The following SDCCAG8 variants were observed in gnomAD, a reference collection of about 807,000 sequenced individuals.
The protein encoded by SDCCAG8 is serologically defined colon cancer antigen 8.
A neutral mutation model predicts 101.8 loss-of-function variants in SDCCAG8; 74 were observed. That is an observed-to-expected ratio of 0.73 (90% CI 0.60 to 0.88). The LOEUF is 0.88. Among genes scored for constraint, SDCCAG8 ranks in the 40% least tolerant of loss-of-function variants. The pLI, the probability that SDCCAG8 is intolerant of heterozygous loss-of-function variation, is 0.00. For missense variants in SDCCAG8, 787 were observed against 822.6 expected (o/e 0.96, Z 0.53); for synonymous variants, 281 against 292.9 (o/e 0.96, Z 0.41).
intron 6 of SDCCAG8, chr1:243,293,493 C>T (rs925883617): frequency 1.7e-5 from 10 of 574,168 alleles, no homozygotes; most frequent in East Asian, 1.2e-4. Flanking sequence ...CTTCAACTTT[C>T]GGTCTGTATA....
intron 16 of SDCCAG8, among the ~76,000 whole-genome samples, chr1:243,479,466 G>T (rs1436224558): frequency 6.6e-6 from 1 of 152,210 alleles, no homozygotes; most frequent in Non-Finnish European, 1.5e-5. Context: ...GCATGGCTGG[G>T]TTTCAATGAA....
chr1:243,341,083 G>A lies in SDCCAG8; in HGVS notation c.1266G>A (p.Val422=). ...ATATTGCCCAACTGGAGGCCCAGGT[G>A]GAAAAGGTTACAAAGGAAAAGATTT... The part of the protein sequence containing the change: ...SQNIAQLEAQ[V]EKVTKEKISA... The change falls in exon 11 of 18, where the codon GTG becomes GTA. Residue 422 remains valine (V), a synonymous_variant. Transcript: ENST00000366541. 1.2e-6 allele frequency: 2 copies of A among 1,613,868 alleles called. No individual in the cohort carries two copies. Among genetic ancestry groups the A allele is most frequent in the Non-Finnish European group, 1.7e-6 (2 of 1,179,776 alleles).
rs760731605 is a variant in SDCCAG8, at chr1:243,488,997, G to A, written c.1986-17G>A. On this transcript the variant is annotated splice_polypyrimidine_tract_variant and intron_variant, in intron 16 of 17. Transcript: ENST00000366541. ...TGACGTTATCCCTCTTTAATTCTGC[G>A]GTGGATTTTTCTCCAGGCTAAGGCA... The A allele has an allele frequency of 1.9e-6, 3 of 1,613,228 alleles. No homozygotes were observed. The highest frequency in any genetic ancestry group is 2.5e-6 in the Non-Finnish European group (3 of 1,180,026).
intron 12 of SDCCAG8, among the ~76,000 whole-genome samples, chr1:243,354,446 G>GAC (rs2076273728): frequency 1.3e-5 from 2 of 152,268 alleles, no homozygotes; most frequent in Admixed American, 6.5e-5. Context: ...GCCTTGTAAA[G>GAC]AGTTAAGTTT....
Position 243,256,092 on chromosome 1 carries a change from G to T in SDCCAG8, c.-82G>T. 7.3e-7 allele frequency: 1 copy of T among 1,371,918 alleles called. No individual in the cohort carries two copies. The allele number at this position is 1,371,918 out of a possible 1,614,324, so 85.0% of individuals were successfully genotyped here. ...GGCAGGAAGCAGGCGGGCGCTCCCC[G>T]GCCACAGGCCTGTTGTTCTCGGAAG... On this transcript the variant is annotated 5_prime_UTR_variant, in exon 1 of 18. Coordinates refer to ENST00000366541, the MANE Select transcript of SDCCAG8 (RefSeq NM_006642.5).
At chr1:243,391,676 G>C (rs1395215503) in intron 13 of SDCCAG8, among the ~76,000 whole-genome samples, 1 of 152,204 alleles carries the variant, frequency 6.6e-6, no homozygotes, top group Non-Finnish European at 1.5e-5. Flanking sequence ...GCATCCCTTT[G>C]ACACCTTTCC....
intron 16 of SDCCAG8, among the ~76,000 whole-genome samples, chr1:243,486,896 T>C (rs1468605532): frequency 6.6e-6 from 1 of 151,248 alleles, no homozygotes; most frequent in Non-Finnish European, 1.5e-5. Context: ...CACGTTTCTG[T>C]TCCATTCTTT....
At chr1:243,480,860 G>GTGGGA (rs1663590904) in intron 16 of SDCCAG8, among the ~76,000 whole-genome samples, 1 of 97,402 alleles carries the variant, frequency 1.0e-5, no homozygotes, top group Non-Finnish European at 2.1e-5. Flanking sequence ...GGATGGATGG[G>GTGGGA]TGGATGGATG....
At chr1:243,465,642 G>A (rs1659983649) in intron 16 of SDCCAG8, among the ~76,000 whole-genome samples, 1 of 152,220 alleles carries the variant, frequency 6.6e-6, no homozygotes, top group African/African-American at 2.4e-5. Context: ...AGATAATTTA[G>A]GTGTCACAGA....
intron 1 of SDCCAG8, among the ~76,000 whole-genome samples, chr1:243,264,353 G>A (rs12065803): frequency 6.9e-4 from 105 of 152,262 alleles, no homozygotes; most frequent in Middle Eastern, 3.4e-3. Flanking sequence ...GGTGGCTCAC[G>A]CCTGTAATCC....
intron 12 of SDCCAG8, among the ~76,000 whole-genome samples, chr1:243,377,237 G>A (rs1051351039): frequency 5.3e-5 from 8 of 151,822 alleles, no homozygotes; most frequent in African/African-American, 1.9e-4. Context: ...ATAAATTTTT[G>A]AAGTTTTAAA....
intron 12 of SDCCAG8, among the ~76,000 whole-genome samples, chr1:243,344,923 A>G (rs1007474242): frequency 2.0e-5 from 3 of 152,182 alleles, no homozygotes; most frequent in Admixed American, 6.5e-5. Context: ...GATAACTCCA[A>G]TTTTAGTTGA....
Position 243,316,580 on chromosome 1 carries a change from C to A in SDCCAG8, c.930-175C>A, listed in dbSNP as rs990241812. On this transcript the variant is annotated intron_variant, in intron 8 of 17. Transcript: ENST00000366541. ...TCTTAGCCTTTCTGGCTGCTCCGCC[C>A]GCCGCTCGCCAAGTGAGGACAGAGG... Among the ~76,000 whole-genome samples, 3 of 152,298 alleles carry A rather than the reference C, an allele frequency of 2.0e-5. No individual in the cohort carries two copies. The East Asian group carries it at 5.8e-4, about 29-fold the overall frequency.
Position 243,397,297 on chromosome 1 carries a change from G to A in SDCCAG8, c.1617-18405G>A, listed in dbSNP as rs557730155. Among the ~76,000 whole-genome samples the A allele has an allele frequency of 2.1e-3, 320 of 152,280 alleles. 1 individual carries two copies. The highest frequency in any genetic ancestry group is 3.3e-3 in the Non-Finnish European group (223 of 68,020). On this transcript the variant is annotated intron_variant, in intron 13 of 17. Transcript: ENST00000366541. ...TTTGTGAGTTTAGTTTGGAAGTTGC[G>A]ATTGAAATACATTCATCTTGGCTCT...
Position 243,270,947 on chromosome 1 carries a change from G to T in SDCCAG8, c.221-31G>T, listed in dbSNP as rs556576525. On this transcript the variant is annotated intron_variant, in intron 2 of 17. Transcript: ENST00000366541. ...GTAAGAAACCATGGATCTCAAATAA[G>T]GTTAATAAACCCTCTGCTTTTGCTC... is the stretch of plus-strand genomic sequence containing the variant. 30 of 1,509,796 alleles carry T rather than the reference G, an allele frequency of 2.0e-5. No homozygotes were observed. In the Admixed American group the frequency reaches 3.8e-4, roughly 19 times the overall value. The allele number at this position is 1,509,796 out of a possible 1,614,324, so 93.5% of individuals were successfully genotyped here. A position where few individuals can be genotyped will look rare whatever the true frequency, so the allele number is the denominator to read the frequency against.
intron 16 of SDCCAG8, among the ~76,000 whole-genome samples, chr1:243,480,604 A>ATGGATGGATGGATGGG (rs1351284694): frequency 0.025 from 6 of 242 alleles, 1 homozygote; most frequent in Non-Finnish European, 0.02. Flanking sequence ...GATGGGTGGG[A>ATGGATGGATGGATGGG]TGGATGGATG....
At chr1:243,286,182 C>A in intron 4 of SDCCAG8, 90 bp from the exon 5 acceptor site, 2 of 1,296,138 alleles carry the variant, frequency 1.5e-6, no homozygotes, top group Admixed American at 1.7e-5. Flanking sequence ...ATAAGTCTTC[C>A]GTACTTTATA....
chr1:243,356,509 CT>C (rs886274771), intron 12 of SDCCAG8, among the ~76,000 whole-genome samples: 5 of 150,430 alleles, frequency 3.3e-5, no homozygotes, highest in Admixed American at 1.3e-4. Flanking sequence ...AAGAATTGGG[CT>C]TTTTTTTTCC....
rs11344816 is a variant in SDCCAG8, at chr1:243,275,856, G to GTT, written c.420+1227_420+1228dup. Among the ~76,000 whole-genome samples the GTT allele has an allele frequency of 2.3e-3, 137 of 59,162 alleles. 16 individuals carry two copies. Among genetic ancestry groups the GTT allele is most frequent in the Admixed American group, 2.6e-3 (14 of 5,334 alleles). The allele number at this position is 59,162 out of a possible 152,430, so 38.8% of individuals were successfully genotyped here. ...TGGGAGAGAGAGATCTTGAACCAATGTTTTTTTTTTTTTTTTTTTTTTTTT... is the reference window on the plus strand; with the variant it reads ...TGGGAGAGAGAGATCTTGAACCAATGTTTTTTTTTTTTTTTTTTTTTTTTTTT... On this transcript the variant is annotated intron_variant, in intron 4 of 17. Transcript: ENST00000366541.
Sources: gnomAD v4.1 joint callset for allele counts (sites outside exome capture counted in the v4.1 genomes callset) on GRCh38, gnomAD v4.1.1 for gene constraint, MANE v1.5 for transcripts, NCBI Gene and HGNC (gene_info 2026-07-23, HGNC 2026-07-21) for gene names.